The following KIAA1217 variants were observed in gnomAD, a reference collection of about 807,000 sequenced individuals.
The protein encoded by KIAA1217 is sickle tail protein homolog.
In KIAA1217, 88 loss-of-function variants were observed where a neutral mutation model predicts 163.9. The observed-to-expected ratio is 0.54, with a 90% CI of 0.45 to 0.64. KIAA1217 has a LOEUF of 0.64. Among genes scored for constraint, KIAA1217 ranks in the 30% least tolerant of loss-of-function variants. KIAA1217 has a pLI of 0.00. For synonymous variants in KIAA1217, 903 were observed against 923.1 expected, an observed-to-expected ratio of 0.98 and a Z score of 0.39; for missense variants, 2,372 against 2,475.0, an observed-to-expected ratio of 0.96 and a Z score of 0.88.
chr10:24,318,270 A>C (rs151221133), intron 2 of KIAA1217, among the ~76,000 whole-genome samples: 1 of 148,844 alleles, frequency 6.7e-6, no homozygotes, highest in Non-Finnish European at 1.5e-5. Flanking sequence ...AGGTAGGTAG[A>C]TAGATAGATA....
At chr10:24,154,690 C>A (rs888586826) in intron 2 of KIAA1217, among the ~76,000 whole-genome samples, 2 of 152,074 alleles carry the variant, frequency 1.3e-5, no homozygotes, top group African/African-American at 4.8e-5. Flanking sequence ...TCCTGGCCAA[C>A]ATGGTGAAAT....
At chr10:24,124,344 A>T (rs1337592796) in intron 2 of KIAA1217, among the ~76,000 whole-genome samples, 1 of 152,086 alleles carries the variant, frequency 6.6e-6, no homozygotes, top group Non-Finnish European at 1.5e-5. Context: ...AGAAGTTTGT[A>T]AATTATTTTT....
At chr10:23,831,109 G>A (rs1223867580) in intron 1 of KIAA1217, among the ~76,000 whole-genome samples, 5 of 152,040 alleles carry the variant, frequency 3.3e-5, no homozygotes, top group African/African-American at 9.7e-5. Context: ...GCCTTGCCAA[G>A]CAGCAGAAAT....
chr10:24,420,590 A>G lies in KIAA1217; in HGVS notation c.554-12405A>G, dbSNP rs143138636. Among the ~76,000 whole-genome samples the G allele has an allele frequency of 4.4e-3, 672 of 152,202 alleles. 1 individual carries two copies. Among genetic ancestry groups the G allele is most frequent in the African/African-American group, 0.015 (624 of 41,522 alleles). ...CTTTTTAAAGTCCTTCCCTGTACCA[A>G]TACACTGGGAGACAACACCATGTGG... On this transcript the variant is annotated intron_variant, in intron 3 of 20. Transcript: ENST00000376454.
intron 1 of KIAA1217, among the ~76,000 whole-genome samples, chr10:23,812,076 C>A (rs1357582724): frequency 6.6e-6 from 1 of 152,106 alleles, no homozygotes; most frequent in Admixed American, 6.6e-5. Flanking sequence ...CAAAGTAAGA[C>A]CCTGTCTCAA....
chr10:23,839,194 G>C (rs1588920838), intron 1 of KIAA1217, among the ~76,000 whole-genome samples: 1 of 152,000 alleles, frequency 6.6e-6, no homozygotes, highest in Admixed American at 6.6e-5. Flanking sequence ...CTGTGTCTCA[G>C]ACAGCTTCTG....
intron 2 of KIAA1217, among the ~76,000 whole-genome samples, chr10:24,044,524 C>A (rs1033720151): frequency 4.0e-5 from 6 of 151,794 alleles, no homozygotes; most frequent in African/African-American, 9.7e-5. Flanking sequence ...TTAAGTGTGT[C>A]TCCCATTTAG....
At chr10:24,267,238 A>G (rs1178593256) in intron 2 of KIAA1217, among the ~76,000 whole-genome samples, 1 of 152,224 alleles carries the variant, frequency 6.6e-6, no homozygotes, top group Non-Finnish European at 1.5e-5. Context: ...CCAGGAATTC[A>G]CATAGCTGCT....
rs182788497 is a variant in KIAA1217 at position 23,728,678 on chromosome 10, C to G, written c.-321+33444C>G. On this transcript the variant is annotated intron_variant, in intron 1 of 18. Transcript: ENST00000376462. ...TTTTTAGTTTAATTAGATCCCATTTCTCAATACATTCAGGACATAGGCATG... is the reference window on the plus strand; with the variant it reads ...TTTTTAGTTTAATTAGATCCCATTTGTCAATACATTCAGGACATAGGCATG... 6.9e-3 allele frequency among the ~76,000 whole-genome samples: 1,053 copies of G among 152,158 alleles called. 9 individuals are homozygous for G. Among genetic ancestry groups the G allele is most frequent in the Middle Eastern group, 0.054 (16 of 294 alleles).
chr10:24,385,632 C>T (rs1434953618), intron 3 of KIAA1217, among the ~76,000 whole-genome samples: 1 of 152,178 alleles, frequency 6.6e-6, no homozygotes, highest in East Asian at 1.9e-4. Context: ...TTCCAACAAC[C>T]TATCGTGTCT....
intron 2 of KIAA1217, among the ~76,000 whole-genome samples, chr10:24,365,457 T>C (rs2050651269): frequency 6.6e-6 from 1 of 152,140 alleles, no homozygotes. Flanking sequence ...GTTTTTATCT[T>C]ACACTTTTAT....
chr10:24,158,566 A>G (rs1009232044), intron 2 of KIAA1217: 1 of 507,418 alleles, frequency 2.0e-6, no homozygotes, highest in African/African-American at 2.0e-5. Context: ...TATTGACTAA[A>G]CTGTAATGGG....
At chr10:24,173,763 A>T (rs1480811840) in intron 2 of KIAA1217, among the ~76,000 whole-genome samples, 1 of 152,248 alleles carries the variant, frequency 6.6e-6, no homozygotes, top group Admixed American at 6.5e-5. Context: ...AATACTTAAC[A>T]GTTATCAACT....
chr10:23,979,376 G>T (rs1589174882), intron 1 of KIAA1217, among the ~76,000 whole-genome samples: 1 of 152,082 alleles, frequency 6.6e-6, no homozygotes, highest in African/African-American at 2.4e-5. Flanking sequence ...TGCTCTAGGA[G>T]AATTTATATT....
At chr10:24,441,230 G>T (rs1380754383) in intron 5 of KIAA1217, among the ~76,000 whole-genome samples, 1 of 152,140 alleles carries the variant, frequency 6.6e-6, no homozygotes, top group Non-Finnish European at 1.5e-5. Flanking sequence ...TGCCCCTGAT[G>T]TCATTAGACC....
intron 1 of KIAA1217, among the ~76,000 whole-genome samples, chr10:23,854,363 A>G (rs1839528919): frequency 6.6e-6 from 1 of 152,106 alleles, no homozygotes; most frequent in African/African-American, 2.4e-5. Context: ...GTTTGATTGC[A>G]CTGTGGTCTG....
chr10:23,827,923 C>A, intron 1 of KIAA1217, among the ~76,000 whole-genome samples: 1 of 152,172 alleles, frequency 6.6e-6, no homozygotes, highest in Middle Eastern at 3.4e-3. Context: ...GACTGTTTGC[C>A]CAGGGAAAGA....
chr10:24,062,452 T>G (rs1334784284), intron 2 of KIAA1217, among the ~76,000 whole-genome samples: 1 of 151,762 alleles, frequency 6.6e-6, no homozygotes, highest in African/African-American at 2.4e-5. Flanking sequence ...TCCATGTCCC[T>G]ACAAAGGACA....
intron 1 of KIAA1217, among the ~76,000 whole-genome samples, chr10:23,927,220 G>A (rs1843059179): frequency 6.6e-6 from 1 of 151,876 alleles, no homozygotes; most frequent in South Asian, 2.1e-4. Context: ...AAAGTGCCTG[G>A]TCTATCTTAT....
Sources: allele counts gnomAD v4.1 joint callset (sites outside exome capture counted in the v4.1 genomes callset), GRCh38; gene constraint gnomAD v4.1.1; transcripts MANE v1.5; gene names NCBI Gene and HGNC (gene_info 2026-07-23, HGNC 2026-07-21).